IPCEF1: variants seen among roughly 807,000 people sequenced by gnomAD.
The protein encoded by IPCEF1 is interaction protein for cytohesin exchange factors 1, also known as interactor protein for cytohesin exchange factors 1.
In IPCEF1, 31 loss-of-function variants were observed where a neutral mutation model predicts 50.9. That is an observed-to-expected ratio of 0.61 (90% confidence interval 0.46 to 0.82). The LOEUF (loss-of-function observed/expected upper bound fraction) is 0.82, where lower values mean the gene tolerates loss of function less well. Among genes scored for constraint, IPCEF1 ranks in the 40% least tolerant of loss-of-function variants. IPCEF1 has a pLI of 0.00. For synonymous variants in IPCEF1, 181 were observed against 192.0 expected, an observed-to-expected ratio of 0.94 and a Z score of 0.47; for missense variants, 458 against 514.0, an observed-to-expected ratio of 0.89 and a Z score of 1.05.
intron 1 of IPCEF1, among the ~76,000 whole-genome samples, chr6:154,355,685 C>A (rs192752315): frequency 6.6e-6 from 1 of 152,074 alleles, no homozygotes; most frequent in Non-Finnish European, 1.5e-5. Flanking sequence ...GACGGGGTTT[C>A]ATCATGTTGG....
chr6:154,213,502 C>T (rs1407670298), intron 8 of IPCEF1, among the ~76,000 whole-genome samples: 1 of 152,178 alleles, frequency 6.6e-6, no homozygotes, highest in Non-Finnish European at 1.5e-5. Flanking sequence ...CACGGTACCC[C>T]TTTACTGTTT....
intron 1 of IPCEF1, among the ~76,000 whole-genome samples, chr6:154,319,710 C>T (rs942046281): frequency 5.3e-5 from 8 of 152,212 alleles, no homozygotes; most frequent in Admixed American, 5.2e-4. Context: ...AAAAAGCCTT[C>T]AAAAGCAGCA....
chr6:154,322,513 A>G (rs1305508959), intron 1 of IPCEF1, among the ~76,000 whole-genome samples: 1 of 152,018 alleles, frequency 6.6e-6, no homozygotes, highest in East Asian at 1.9e-4. Flanking sequence ...AGACTTAAAG[A>G]CCTGGAAAAG....
rs1218682322 is a variant in IPCEF1, at chr6:154,155,837, C to T, written c.*3991G>A. The T allele has an allele frequency of 6.6e-6, 1 of 152,122 alleles. No individual in the cohort carries two copies. The highest frequency in any genetic ancestry group is 1.9e-4 in the East Asian group (1 of 5,202). 9.4% of individuals were successfully genotyped at this position (152,122 alleles called of 1,614,324 possible). On this transcript the variant is annotated 3_prime_UTR_variant, in exon 12 of 12. Coordinates refer to ENST00000367220, the MANE Select transcript of IPCEF1 (RefSeq NM_001130700.2). ...GAGATAATGTACCTATGAATTTAAA[C>T]ATGTCTTAAATTTGAATAGCACTTC...
rs1396109329 is a variant in IPCEF1, at chr6:154,168,894, C to A, written c.911-781G>T. Among the ~76,000 whole-genome samples, 1 of 152,046 alleles carries A rather than the reference C, an allele frequency of 6.6e-6. No homozygotes were observed. Among genetic ancestry groups the A allele is most frequent in the Non-Finnish European group, 1.5e-5 (1 of 68,018 alleles). On this transcript the variant is annotated intron_variant, in intron 10 of 11. Coordinates refer to ENST00000367220, the MANE Select transcript of IPCEF1 (RefSeq NM_001130700.2). This position sits in a 1 kb window ranked among gnomAD's most constrained non-coding sequence, Gnocchi z 4.1. Reference sequence around the variant, plus strand: ...GTGCTGGGATTACAGGTGTGAGCCACCACGCCCAGCCCAACATATGAATTT... The same window carrying A: ...GTGCTGGGATTACAGGTGTGAGCCAACACGCCCAGCCCAACATATGAATTT...
chr6:154,300,442 G>T (rs149925852), intron 1 of IPCEF1, among the ~76,000 whole-genome samples: 1 of 152,096 alleles, frequency 6.6e-6, no homozygotes, highest in African/African-American at 2.4e-5. Context: ...GATGACCCAC[G>T]TCTCTACAGA....
At chr6:154,253,339 C>T (rs552921014) in intron 3 of IPCEF1, among the ~76,000 whole-genome samples, 1 of 152,184 alleles carries the variant, frequency 6.6e-6, no homozygotes, top group South Asian at 2.1e-4. Flanking sequence ...CATCCGACCT[C>T]CTTTGCACTT....
chr6:154,176,503 A>G (rs1299740818), intron 10 of IPCEF1, among the ~76,000 whole-genome samples: 1 of 152,204 alleles, frequency 6.6e-6, no homozygotes, highest in African/African-American at 2.4e-5. Flanking sequence ...ATGTGCAAAA[A>G]TCACAAGCAT....
chr6:154,276,653 G>T (rs1782070604), intron 2 of IPCEF1, among the ~76,000 whole-genome samples: 2 of 152,208 alleles, frequency 1.3e-5, no homozygotes, highest in South Asian at 4.1e-4. Flanking sequence ...TCAGACTCCA[G>T]GTCCAGGGCC....
chr6:154,243,809 C>T (rs1443632421), intron 5 of IPCEF1, among the ~76,000 whole-genome samples: 2 of 152,176 alleles, frequency 1.3e-5, no homozygotes, highest in Non-Finnish European at 2.9e-5. Flanking sequence ...TGACTTGGGA[C>T]AATTGACGCA....
chr6:154,288,547 G>C (rs1195713163), intron 2 of IPCEF1, among the ~76,000 whole-genome samples: 5 of 151,730 alleles, frequency 3.3e-5, no homozygotes, highest in African/African-American at 9.7e-5. Context: ...CTTGTAGTCC[G>C]AGCTACCAGG....
At chr6:154,193,137 AGTG>A (rs1364866327) in intron 10 of IPCEF1, among the ~76,000 whole-genome samples, 2 of 152,220 alleles carry the variant, frequency 1.3e-5, no homozygotes, top group Non-Finnish European at 2.9e-5. Context: ...TCAGTCAACA[AGTG>A]GATAAAGAAA....
At chr6:154,221,383 G>T in intron 6 of IPCEF1, 55 bp from the exon 7 acceptor site, 3 of 1,323,050 alleles carry the variant, frequency 2.3e-6, no homozygotes, top group East Asian at 2.3e-5. Flanking sequence ...AGTCAACAAT[G>T]GGTCTGAAAG....
intron 10 of IPCEF1, among the ~76,000 whole-genome samples, chr6:154,198,990 T>C (rs1331693613): frequency 6.6e-6 from 1 of 152,234 alleles, no homozygotes; most frequent in Non-Finnish European, 1.5e-5. Flanking sequence ...TGAACAGTAA[T>C]AAAAATAAGT....
intron 10 of IPCEF1, among the ~76,000 whole-genome samples, chr6:154,187,289 C>T (rs192038096): frequency 3.1e-4 from 47 of 152,258 alleles, no homozygotes; most frequent in South Asian, 2.5e-3. Context: ...TGCCCTGCCT[C>T]TTGTAAAAAA....
chr6:154,334,640 A>G (rs765167497), intron 1 of IPCEF1, among the ~76,000 whole-genome samples: 11 of 152,236 alleles, frequency 7.2e-5, no homozygotes, highest in African/African-American at 2.7e-4. Flanking sequence ...AGGTCAGGCA[A>G]CAGAATGCTC....
At chr6:154,228,551 G>A (rs1779456364) in intron 5 of IPCEF1, among the ~76,000 whole-genome samples, 1 of 152,078 alleles carries the variant, frequency 6.6e-6, no homozygotes, top group East Asian at 1.9e-4. Context: ...AGTTTTCCCA[G>A]CATCTCTGAT....
intron 5 of IPCEF1, among the ~76,000 whole-genome samples, chr6:154,245,972 A>T (rs1288119883): frequency 6.6e-6 from 1 of 152,234 alleles, no homozygotes. Context: ...AAACTAGGCA[A>T]CTATCTTTTC....
chr6:154,224,588 G>A (rs1779112075), intron 5 of IPCEF1, among the ~76,000 whole-genome samples: 1 of 152,074 alleles, frequency 6.6e-6, no homozygotes, highest in South Asian at 2.1e-4. Flanking sequence ...GTGGGCCCCT[G>A]TAATTTCAGC....
Sources: gnomAD v4.1 joint callset for allele counts (sites outside exome capture counted in the v4.1 genomes callset) on GRCh38, gnomAD v4.1.1 for gene constraint, Gnocchi (gnomAD v3.1) non-coding constraint, MANE v1.5 for transcripts, NCBI Gene and HGNC (gene_info 2026-07-23, HGNC 2026-07-21) for gene names.